The following PROKR1 variants were observed in gnomAD, a reference collection of about 807,000 sequenced individuals.
PROKR1 encodes the protein prokineticin receptor 1.
PROKR1 carries 21 observed loss-of-function variants against 22.8 expected under a neutral mutation model. That is an observed-to-expected ratio of 0.92 (90% CI 0.65 to 1.32). The LOEUF (loss-of-function observed/expected upper bound fraction) is 1.32, where lower values mean the gene tolerates loss of function less well. PROKR1 is among the 40% of genes most tolerant of loss of function. The probability of loss-of-function intolerance (pLI) is 0.00; values close to 1 mark genes in which losing one functional copy is unlikely to be tolerated. For missense variants in PROKR1, 548 were observed against 514.2 expected (o/e 1.07, Z -0.64); for synonymous variants, 193 against 207.5 (o/e 0.93, Z 0.60).
At chr2:68,650,093 C>T (rs1013502897) in intron 2 of PROKR1, among the ~76,000 whole-genome samples, 75 of 148,876 alleles carry the variant, frequency 5.0e-4, no homozygotes, top group Non-Finnish European at 7.4e-5. Context: ...GGAGGGATAG[C>T]ATTGGGAGAT....
intron 2 of PROKR1, among the ~76,000 whole-genome samples, chr2:68,653,772 A>G (rs1390984806): frequency 3.3e-5 from 5 of 151,526 alleles, no homozygotes; most frequent in Non-Finnish European, 5.9e-5. Flanking sequence ...ACAATGACTC[A>G]TTTCCCCCCT....
Position 68,655,384 on chromosome 2 carries a change from C to T in PROKR1, c.990C>T (p.Ile330=), listed in dbSNP as rs1673429027. The T allele has an allele frequency of 6.2e-7, 1 of 1,614,160 alleles. No individual in the cohort carries two copies. Among genetic ancestry groups the T allele is most frequent in the Non-Finnish European group, 8.5e-7 (1 of 1,179,974 alleles). Residue 330 remains isoleucine (I), a synonymous_variant, in exon 3 of 3, where the codon ATC becomes ATT. Transcript: ENST00000303786. ...YLTAFYIVEC[I]AMSNSMINTL... ...CTGCCTTCTACATCGTCGAGTGCAT[C>T]GCCATGAGCAACAGCATGATCAACA... is the stretch of plus-strand genomic sequence containing the variant.
chr2:68,645,050 A>G (rs1573331628), intron 1 of PROKR1, among the ~76,000 whole-genome samples: 2 of 152,120 alleles, frequency 1.3e-5, no homozygotes, highest in African/African-American at 4.8e-5. Flanking sequence ...TGTTTAAGCT[A>G]TTTACCCCTG....
In PROKR1 at chr2:68,643,666, C is replaced by G. The variant is rs1233924120; in HGVS notation, c.-343C>G. 6.6e-6 allele frequency: 1 copy of G among 152,268 alleles called. No homozygotes were observed. The highest frequency in any genetic ancestry group is 2.4e-5 in the African/African-American group (1 of 41,446). The allele number at this position is 152,268 out of a possible 1,614,324, so 9.4% of individuals were successfully genotyped here. A position where few individuals can be genotyped will look rare whatever the true frequency, so the allele number is the denominator to read the frequency against. ...ACAGGGAGTCCGGCGCGGGCCGGGT[C>G]GGGGGATCTGCAGCGGCGGCGCGAA... On this transcript the variant is annotated 5_prime_UTR_variant, in exon 1 of 3. Coordinates refer to ENST00000303786, the MANE Select transcript of PROKR1 (RefSeq NM_138964.4).
At chr2:68,649,955 C>T (rs1372124681) in intron 2 of PROKR1, among the ~76,000 whole-genome samples, 5 of 151,792 alleles carry the variant, frequency 3.3e-5, no homozygotes, top group Admixed American at 6.6e-5. Context: ...TCTCCACTCT[C>T]CTGCTTAAAA....
In PROKR1 at chr2:68,655,112, G is replaced by T; in HGVS notation, c.718G>T (p.Glu240Ter). 6.2e-7 allele frequency: 1 copy of T among 1,614,166 alleles called. No homozygotes were observed. Among genetic ancestry groups the T allele is most frequent in the Non-Finnish European group, 8.5e-7 (1 of 1,180,036 alleles). The change falls in exon 3 of 3, where the codon GAA (glutamate) becomes TAA (stop). Residue 240 changes from glutamate (E) to a stop codon, truncating the protein, a stop_gained. Coordinates refer to ENST00000303786, the MANE Select transcript of PROKR1 (RefSeq NM_138964.4). LOFTEE classifies it high-confidence loss of function. ...KSYFLFIFGIEFVGPVVTMTL... is the reference protein window; with the variant it reads ...KSYFLFIFGI ...CTACTTCCTCTTTATCTTTGGCATA[G>T]AATTCGTGGGCCCCGTGGTCACCAT... is the stretch of plus-strand genomic sequence containing the variant.
intron 2 of PROKR1, among the ~76,000 whole-genome samples, chr2:68,651,316 T>C (rs1156829880): frequency 6.6e-6 from 1 of 152,152 alleles, no homozygotes; most frequent in African/African-American, 2.4e-5. Context: ...TGAGCTGTTA[T>C]CATGCCACTG....
Position 68,655,357 on chromosome 2 carries a change from C to T in PROKR1, c.963C>T (p.Leu321=). 6.2e-7 allele frequency: 1 copy of T among 1,614,210 alleles called. No homozygotes were observed. The highest frequency in any genetic ancestry group is 8.5e-7 in the Non-Finnish European group (1 of 1,179,992). Residue 321 remains leucine, a synonymous_variant, in exon 3 of 3, where the codon CTC becomes CTT. Coordinates refer to ENST00000303786, the MANE Select transcript of PROKR1 (RefSeq NM_138964.4). Reference sequence around the variant, plus strand: ...TGTTTGTGAAGGAGAAGCACTACCTCACTGCCTTCTACATCGTCGAGTGCA... The same window carrying T: ...TGTTTGTGAAGGAGAAGCACTACCTTACTGCCTTCTACATCGTCGAGTGCA... The part of the protein sequence containing the change: ...PTVFVKEKHY[L]TAFYIVECIA...
Position 68,655,728 on chromosome 2 carries a change from G to A in PROKR1, c.*152G>A, listed in dbSNP as rs1188950667. The A allele has an allele frequency of 3.3e-5, 25 of 756,906 alleles. No homozygotes were observed. The East Asian group carries it at 6.4e-4, about 19-fold the overall frequency. The allele number at this position is 756,906 out of a possible 1,614,324, so 46.9% of individuals were successfully genotyped here. A position where few individuals can be genotyped will look rare whatever the true frequency, so the allele number is the denominator to read the frequency against. On this transcript the variant is annotated 3_prime_UTR_variant, in exon 3 of 3. Coordinates refer to ENST00000303786, the MANE Select transcript of PROKR1 (RefSeq NM_138964.4). ...GAGCAATGTTTTCAAGGAGCTCAGA[G>A]TTTCTAAAATGCATGTGACCAGACA...
At chr2:68,648,209 G>A (rs1673232905) in intron 2 of PROKR1, among the ~76,000 whole-genome samples, 1 of 152,176 alleles carries the variant, frequency 6.6e-6, no homozygotes, top group South Asian at 2.1e-4. Flanking sequence ...ATGGTAGGAG[G>A]AAGTAGCTTC....
chr2:68,646,719 C>T (rs1244700733), intron 2 of PROKR1, among the ~76,000 whole-genome samples: 1 of 152,246 alleles, frequency 6.6e-6, no homozygotes, highest in East Asian at 1.9e-4. Flanking sequence ...TAAAATATGA[C>T]CTTCTAGCAT....
At chr2:68,648,882 C>CA (rs984380875) in intron 2 of PROKR1, among the ~76,000 whole-genome samples, 5 of 152,182 alleles carry the variant, frequency 3.3e-5, no homozygotes, top group African/African-American at 9.7e-5. Flanking sequence ...CTCTCTGCCT[C>CA]AGTTTTCTCG....
chr2:68,654,900 CGCTGAGACCACGGATGAAGT>C lies in PROKR1; in HGVS notation c.509_528del (p.Leu170ProfsTer193). ...CCTAGGTATCTGGCTATTGTCCATC[CGCTGAGACCACGGATGAAGT>C]GCCAAACAGCCACTGGCCTGATTGC... is the stretch of plus-strand genomic sequence containing the variant. On this transcript the variant is annotated frameshift_variant, in exon 3 of 3. Coordinates refer to ENST00000303786, the MANE Select transcript of PROKR1 (RefSeq NM_138964.4). LOFTEE classifies it high-confidence loss of function. The C allele has an allele frequency of 6.8e-6, 11 of 1,613,558 alleles. No homozygotes were observed. Among genetic ancestry groups the C allele is most frequent in the Non-Finnish European group, 9.3e-6 (11 of 1,179,842 alleles).
intron 2 of PROKR1, among the ~76,000 whole-genome samples, chr2:68,654,671 A>C (rs1240049500): frequency 6.6e-6 from 1 of 151,906 alleles, no homozygotes; most frequent in Non-Finnish European, 1.5e-5. Flanking sequence ...GGTGCATTGC[A>C]CCTCTAGTCC....
chr2:68,644,792 A>G (rs1673138728), intron 1 of PROKR1, among the ~76,000 whole-genome samples: 1 of 151,134 alleles, frequency 6.6e-6, no homozygotes. Flanking sequence ...GGACAGGGGG[A>G]CTCTGGCTGC....
At chr2:68,648,346 C>T (rs893750835) in intron 2 of PROKR1, among the ~76,000 whole-genome samples, 1 of 152,188 alleles carries the variant, frequency 6.6e-6, no homozygotes, top group African/African-American at 2.4e-5. Context: ...TCCTTTCATA[C>T]CAAACAGAGC....
chr2:68,651,242 A>G (rs891591794), intron 2 of PROKR1, among the ~76,000 whole-genome samples: 1 of 152,162 alleles, frequency 6.6e-6, no homozygotes, highest in Non-Finnish European at 1.5e-5. Flanking sequence ...ATGTGCCTGT[A>G]GTCCCAGCTA....
At chr2:68,649,691 T>A (rs950042864) in intron 2 of PROKR1, 1 of 152,034 alleles carries the variant, frequency 6.6e-6, no homozygotes, top group African/African-American at 2.4e-5. Flanking sequence ...TGGGACCTAT[T>A]CTAGGTGAGT....
intron 2 of PROKR1, among the ~76,000 whole-genome samples, chr2:68,652,001 G>A (rs556153403): frequency 1.7e-4 from 26 of 152,176 alleles, no homozygotes; most frequent in Non-Finnish European, 2.9e-4. Context: ...GGAGAGGAAA[G>A]AGGAGAAGGG....
Sources: allele counts gnomAD v4.1 joint callset (sites outside exome capture counted in the v4.1 genomes callset), GRCh38; gene constraint gnomAD v4.1.1; transcripts MANE v1.5; gene names NCBI Gene and HGNC (gene_info 2026-07-23, HGNC 2026-07-21).